Variants in COL14A1 observed in about 807,000 individuals in gnomAD.
COL14A1 encodes the protein collagen type XIV alpha 1 chain.
COL14A1 carries 136 observed loss-of-function variants against 230.3 expected under a neutral mutation model. The ratio of observed to expected loss-of-function variants is 0.59; its 90% CI spans 0.51 to 0.68. The LOEUF (loss-of-function observed/expected upper bound fraction) is 0.68, where lower values mean the gene tolerates loss of function less well. Ranked by LOEUF, COL14A1 falls within the 30% of genes least tolerant of loss-of-function variation. The pLI, the probability that COL14A1 is intolerant of heterozygous loss-of-function variation, is 0.00. For synonymous variants in COL14A1, 792 were observed against 784.1 expected (o/e 1.01, Z -0.17); for missense variants, 1,976 against 2,215.8 (o/e 0.89, Z 2.17).
chr8:120,304,681 T>C (rs1048621623), intron 36 of COL14A1, among the ~76,000 whole-genome samples: 1 of 152,204 alleles, frequency 6.6e-6, no homozygotes, highest in African/African-American at 2.4e-5. Flanking sequence ...TCTAATTTTT[T>C]AATTTTCTAA....
rs147649384 is a variant in COL14A1 at position 120,326,632 on chromosome 8, A to G, written c.4660-5509A>G. On this transcript the variant is annotated intron_variant, in intron 40 of 47. Coordinates refer to ENST00000297848, the MANE Select transcript of COL14A1 (RefSeq NM_021110.4). ...GAAAAAATGGCTTTGTGTTTTTGAA[A>G]TGGTGTTAAGGCTAATATCCTTTTA... Among the ~76,000 whole-genome samples, 784 of 152,304 alleles carry G rather than the reference A, an allele frequency of 5.1e-3. 3 individuals carry two copies. The highest frequency in any genetic ancestry group is 7.8e-3 in the Non-Finnish European group (533 of 68,022).
At chr8:120,308,085 G>A (rs528575483) in intron 36 of COL14A1, among the ~76,000 whole-genome samples, 1 of 152,312 alleles carries the variant, frequency 6.6e-6, no homozygotes, top group African/African-American at 2.4e-5. Flanking sequence ...GGGTTTAAGC[G>A]ATTCTCCTGC....
chr8:120,152,320 G>A (rs1233750638), intron 2 of COL14A1, among the ~76,000 whole-genome samples: 1 of 151,510 alleles, frequency 6.6e-6, no homozygotes, highest in East Asian at 1.9e-4. Context: ...AAAATTAGCC[G>A]GGCGTGGTGG....
intron 45 of COL14A1, among the ~76,000 whole-genome samples, chr8:120,356,211 G>A (rs138366266): frequency 9.8e-5 from 15 of 152,348 alleles, no homozygotes; most frequent in African/African-American, 3.1e-4. Flanking sequence ...AAGCAACTAT[G>A]TGTCAATTGC....
At chr8:120,193,658 C>A (rs1016636462) in intron 5 of COL14A1, among the ~76,000 whole-genome samples, 2 of 152,182 alleles carry the variant, frequency 1.3e-5, no homozygotes, top group African/African-American at 4.8e-5. Flanking sequence ...AGAGGTGGAG[C>A]CTACAGAGGC....
intron 8 of COL14A1, among the ~76,000 whole-genome samples, chr8:120,200,674 G>A (rs11985358): frequency 0.011 from 1,509 of 138,414 alleles, 32 homozygotes; most frequent in African/African-American, 0.039. Flanking sequence ...TATACTGTAA[G>A]TTTGTCTCCT....
At chr8:120,204,428 A>G (rs1011599308) in intron 9 of COL14A1, among the ~76,000 whole-genome samples, 8 of 152,202 alleles carry the variant, frequency 5.3e-5, no homozygotes, top group Non-Finnish European at 1.2e-4. Context: ...TGTGGTATGT[A>G]ACCTTTGGGG....
At chr8:120,263,225 A>G (rs1819396722) in intron 24 of COL14A1, among the ~76,000 whole-genome samples, 3 of 152,134 alleles carry the variant, frequency 2.0e-5, no homozygotes, top group Admixed American at 1.3e-4. Context: ...CATTCTCCAT[A>G]TATGTTTCAC....
rs183480834 is a variant in COL14A1 at position 120,163,618 on chromosome 8, C to T, written c.349+1049C>T. Among the ~76,000 whole-genome samples the T allele has an allele frequency of 2.0e-5, 3 of 152,186 alleles. No homozygotes were observed. In the East Asian group the frequency reaches 5.8e-4, roughly 29 times the overall value. On this transcript the variant is annotated intron_variant, in intron 4 of 47. Coordinates refer to ENST00000297848, the MANE Select transcript of COL14A1 (RefSeq NM_021110.4). Reference sequence around the variant, plus strand: ...GTCTCTACTAAAAATACAAAATTAGCCGGGCGTGGTGGCACACACCTGTAA... The same window carrying T: ...GTCTCTACTAAAAATACAAAATTAGTCGGGCGTGGTGGCACACACCTGTAA...
chr8:120,242,395 T>G (rs182893798), intron 19 of COL14A1, among the ~76,000 whole-genome samples: 16 of 152,332 alleles, frequency 1.1e-4, no homozygotes, highest in Admixed American at 9.8e-4. Flanking sequence ...GTGCTAAATT[T>G]AATTGGTTAG....
At chr8:120,127,470 A>C (rs1342252034) in intron 1 of COL14A1, among the ~76,000 whole-genome samples, 1 of 152,192 alleles carries the variant, frequency 6.6e-6, no homozygotes, top group Non-Finnish European at 1.5e-5. Context: ...GATTGATGGG[A>C]GGAGGCTCTT....
At chr8:120,364,791 G>C (rs750410725) in intron 45 of COL14A1, among the ~76,000 whole-genome samples, 4 of 151,664 alleles carry the variant, frequency 2.6e-5, no homozygotes, top group Non-Finnish European at 4.4e-5. Context: ...GCTGAGGCAG[G>C]AGAATCGCCT....
chr8:120,176,008 T>C (rs1416234561), intron 5 of COL14A1, among the ~76,000 whole-genome samples: 1 of 152,198 alleles, frequency 6.6e-6, no homozygotes, highest in Non-Finnish European at 1.5e-5. Context: ...TTGTGAAGAT[T>C]GAGTTAAAAT....
intron 5 of COL14A1, among the ~76,000 whole-genome samples, chr8:120,192,559 G>A (rs1041648502): frequency 1.3e-3 from 200 of 152,102 alleles, no homozygotes; most frequent in African/African-American, 4.2e-3. Flanking sequence ...TCTTTGTGGC[G>A]TTCTCTGTAT....
chr8:120,258,781 T>A (rs1819240315), intron 23 of COL14A1, among the ~76,000 whole-genome samples: 1 of 152,314 alleles, frequency 6.6e-6, no homozygotes, highest in African/African-American at 2.4e-5. Flanking sequence ...AGATTTTTGG[T>A]TGGCCTTGGG....
chr8:120,317,601 T>C (rs1821279975), intron 40 of COL14A1, among the ~76,000 whole-genome samples: 1 of 152,240 alleles, frequency 6.6e-6, no homozygotes, highest in Non-Finnish European at 1.5e-5. Flanking sequence ...CCTGAAGTTC[T>C]GAAAATGGCA....
At position 120,266,832 on chromosome 8, in the gene COL14A1, C is replaced by G; in HGVS notation, c.3022C>G (p.Leu1008Val). The change falls in exon 25 of 48, where the codon CTT becomes GTT. Residue 1008 changes from leucine (L) to valine (V), a missense_variant. Coordinates refer to ENST00000297848, the MANE Select transcript of COL14A1 (RefSeq NM_021110.4). ...TTTCTCCCTTTCCTTTACAGAATCA[C>G]TTCCTACACGACCACCAACTTTTCC... Reference protein sequence around the residue: ...SVSIMEKTQSLPTRPPTFPPT... With the variant: ...SVSIMEKTQSVPTRPPTFPPT... 1 of 1,611,786 alleles carries G rather than the reference C, an allele frequency of 6.2e-7. No homozygotes were observed. The highest frequency in any genetic ancestry group is 8.5e-7 in the Non-Finnish European group (1 of 1,178,420).
intron 42 of COL14A1, among the ~76,000 whole-genome samples, chr8:120,339,173 C>T (rs1822197006): frequency 6.6e-6 from 1 of 152,176 alleles, no homozygotes; most frequent in African/African-American, 2.4e-5. Flanking sequence ...TGGGGTTTCA[C>T]CATATTGGTC....
At chr8:120,334,319 T>C (rs78854445) in intron 42 of COL14A1, among the ~76,000 whole-genome samples, 8,636 of 152,202 alleles carry the variant, frequency 0.057, 367 homozygotes, top group African/African-American at 0.11. Flanking sequence ...ATTTGCACAT[T>C]CAAATAAATG....
Sources: gnomAD v4.1 joint callset for allele counts (sites outside exome capture counted in the v4.1 genomes callset) on GRCh38, gnomAD v4.1.1 for gene constraint, MANE v1.5 for transcripts, NCBI Gene and HGNC (gene_info 2026-07-23, HGNC 2026-07-21) for gene names.